Variants in LYPLAL1 observed in about 807,000 individuals in gnomAD.
LYPLAL1 encodes the protein lysophospholipase-like protein 1.
Under a neutral mutation model 19.7 loss-of-function variants are expected in LYPLAL1, and 23 were observed. The observed-to-expected ratio is 1.17, with a 90% CI of 0.84 to 1.65. The LOEUF (loss-of-function observed/expected upper bound fraction) is 1.65, where lower values mean the gene tolerates loss of function less well. Ranked by LOEUF, LYPLAL1 falls within the 40% of genes most tolerant of loss-of-function variation. The pLI is 0.00. For missense variants in LYPLAL1, 355 were observed against 279.4 expected (o/e 1.27, Z -1.93); for synonymous variants, 119 against 96.3 (o/e 1.24, Z -1.38).
At chr1:219,284,877 A>G in the LYPLAL1 span, among the ~76,000 whole-genome samples, 1 of 152,220 alleles carries the variant, frequency 6.6e-6, no homozygotes, top group African/African-American at 2.4e-5. Flanking sequence ...GACAACAGAA[A>G]GCAAATTGGA....
the LYPLAL1 span, among the ~76,000 whole-genome samples, chr1:219,322,442 C>T: frequency 6.6e-6 from 1 of 152,104 alleles, no homozygotes; most frequent in Admixed American, 6.6e-5. Flanking sequence ...AAGCATTAAA[C>T]TCAGGCACAG....
At chr1:219,378,650 G>A in the LYPLAL1 span, among the ~76,000 whole-genome samples, 1 of 152,068 alleles carries the variant, frequency 6.6e-6, no homozygotes, top group African/African-American at 2.4e-5. Flanking sequence ...CATACTCAGA[G>A]ACCCAGAGGC....
the LYPLAL1 span, among the ~76,000 whole-genome samples, chr1:219,270,028 A>G: frequency 6.6e-6 from 1 of 152,230 alleles, no homozygotes; most frequent in Non-Finnish European, 1.5e-5. Flanking sequence ...ATTTCTCTAA[A>G]TCTCAAGCTT....
At chr1:219,199,235 A>G (rs1657872452) in intron 3 of LYPLAL1, among the ~76,000 whole-genome samples, 1 of 151,890 alleles carries the variant, frequency 6.6e-6, no homozygotes, top group Non-Finnish European at 1.5e-5. Flanking sequence ...TAAGTTAGAA[A>G]CTCCTCTTTT....
At chr1:219,271,976 C>T in the LYPLAL1 span, 2 of 152,188 alleles carry the variant, frequency 1.3e-5, no homozygotes, top group Non-Finnish European at 2.9e-5. Context: ...GAAGGAAGAC[C>T]CACACCCAGC....
the LYPLAL1 span, among the ~76,000 whole-genome samples, chr1:219,379,510 G>A: frequency 1.5e-3 from 223 of 152,288 alleles, 1 homozygote; most frequent in Admixed American, 3.7e-3. Flanking sequence ...ACTTTGAAAT[G>A]ACAAGCTTAA....
chr1:219,236,110 A>C, the LYPLAL1 span, among the ~76,000 whole-genome samples: 1 of 152,240 alleles, frequency 6.6e-6, no homozygotes, highest in Non-Finnish European at 1.5e-5. Flanking sequence ...AATGTTCACT[A>C]CATGGGTCCC....
the LYPLAL1 span, among the ~76,000 whole-genome samples, chr1:219,246,566 T>C: frequency 6.6e-6 from 1 of 152,180 alleles, no homozygotes; most frequent in African/African-American, 2.4e-5. Context: ...ATGCCCCGTT[T>C]ACAAGTAGAC....
the LYPLAL1 span, among the ~76,000 whole-genome samples, chr1:219,327,437 T>A: frequency 1.1e-4 from 16 of 152,144 alleles, no homozygotes; most frequent in African/African-American, 3.6e-4. Context: ...CCTGAAGAAA[T>A]GAAGCACATG....
chr1:219,286,846 A>G, the LYPLAL1 span, among the ~76,000 whole-genome samples: 2 of 152,220 alleles, frequency 1.3e-5, no homozygotes, highest in South Asian at 2.1e-4. Flanking sequence ...TTCATGGCCC[A>G]TCATCTCTGC....
At chr1:219,202,759 C>T (rs1002651841) in intron 3 of LYPLAL1, among the ~76,000 whole-genome samples, 5 of 152,014 alleles carry the variant, frequency 3.3e-5, no homozygotes, top group Non-Finnish European at 7.4e-5. Flanking sequence ...CTCACTGCAA[C>T]CTAAACTCCT....
At chr1:219,276,188 A>G in the LYPLAL1 span, among the ~76,000 whole-genome samples, 2 of 152,158 alleles carry the variant, frequency 1.3e-5, no homozygotes, top group African/African-American at 2.4e-5. Flanking sequence ...AAAAAAAAAC[A>G]TTAATTGGAC....
intron 1 of LYPLAL1, among the ~76,000 whole-genome samples, chr1:219,177,086 CAA>C (rs1410268726): frequency 2.6e-5 from 4 of 152,152 alleles, no homozygotes; most frequent in African/African-American, 9.7e-5. Flanking sequence ...TGCCTCACTG[CAA>C]AGATGACAGA....
chr1:219,388,468 G>T, the LYPLAL1 span, among the ~76,000 whole-genome samples: 58 of 152,248 alleles, frequency 3.8e-4, no homozygotes, highest in Middle Eastern at 3.4e-3. Flanking sequence ...AGGACTAGTA[G>T]AGTCTAATAT....
At chr1:219,208,453 T>C (rs914136838) in intron 3 of LYPLAL1, among the ~76,000 whole-genome samples, 6 of 152,032 alleles carry the variant, frequency 3.9e-5, no homozygotes, top group Non-Finnish European at 7.4e-5. Flanking sequence ...TTGATAAGCT[T>C]AAGAGATATT....
chr1:219,298,294 A>G, the LYPLAL1 span, among the ~76,000 whole-genome samples: 2 of 152,324 alleles, frequency 1.3e-5, no homozygotes, highest in East Asian at 3.9e-4. Context: ...TCGGTGCTGG[A>G]GTAAGACCCT....
the LYPLAL1 span, among the ~76,000 whole-genome samples, chr1:219,383,699 G>C: frequency 6.6e-6 from 1 of 152,174 alleles, no homozygotes; most frequent in Non-Finnish European, 1.5e-5. Context: ...CATAACTCCA[G>C]AGTTCATTAC....
the LYPLAL1 span, among the ~76,000 whole-genome samples, chr1:219,284,242 T>A: frequency 6.6e-6 from 1 of 152,218 alleles, no homozygotes; most frequent in Non-Finnish European, 1.5e-5. Flanking sequence ...ATTACCAGTC[T>A]TGGGTAGTAT....
the LYPLAL1 span, among the ~76,000 whole-genome samples, chr1:219,316,376 A>G: frequency 0.012 from 1,790 of 152,264 alleles, 32 homozygotes; most frequent in African/African-American, 0.041. Context: ...TTTCATATCA[A>G]TGTTCAAAAG....
Sources: allele counts gnomAD v4.1 joint callset (sites outside exome capture counted in the v4.1 genomes callset), GRCh38; gene constraint gnomAD v4.1.1; transcripts MANE v1.5; gene names NCBI Gene and HGNC (gene_info 2026-07-23, HGNC 2026-07-21).